Variants in CYP19A1 observed in about 807,000 individuals in gnomAD.
The protein encoded by CYP19A1 is cytochrome P450 family 19 subfamily A member 1.
In CYP19A1, 32 loss-of-function variants were observed where a neutral mutation model predicts 44.4. The observed-to-expected ratio is 0.72, with a 90% CI of 0.54 to 0.97. CYP19A1 has a LOEUF of 0.97. CYP19A1 is among the 50% of genes least tolerant of loss of function. CYP19A1 has a pLI of 0.00. For missense variants in CYP19A1, 598 were observed against 637.8 expected (o/e 0.94, Z 0.67); for synonymous variants, 212 against 215.6 (o/e 0.98, Z 0.14).
At chr15:51,222,149 C>T in intron 5 of CYP19A1, 200 bp downstream of exon 5, 1 of 903,938 alleles carries the variant, frequency 1.1e-6, no homozygotes, top group Non-Finnish European at 1.6e-6. Flanking sequence ...CTAGTAGATG[C>T]TGGCCCCTAC....
At chr15:51,224,576 T>C (rs970384965) in intron 4 of CYP19A1, among the ~76,000 whole-genome samples, 3 of 152,214 alleles carry the variant, frequency 2.0e-5, no homozygotes, top group African/African-American at 7.2e-5. Context: ...CTTTTGACAT[T>C]TCTTGAAACC....
At chr15:51,294,021 G>C (rs1039317396) in intron 1 of CYP19A1, 2 of 173,416 alleles carry the variant, frequency 1.2e-5, no homozygotes, top group African/African-American at 6.1e-5. Context: ...GCCGCCCATC[G>C]TCTGGGATGT....
chr15:51,326,017 G>A (rs2036603567), intron 1 of CYP19A1, among the ~76,000 whole-genome samples: 1 of 152,084 alleles, frequency 6.6e-6, no homozygotes, highest in Admixed American at 6.5e-5. Context: ...ATTGAATATT[G>A]TACTGAAAGT....
chr15:51,332,026 A>G (rs2036710076), intron 1 of CYP19A1, among the ~76,000 whole-genome samples: 1 of 152,158 alleles, frequency 6.6e-6, no homozygotes. Context: ...GTCTCTTTTA[A>G]GAATAATTCT....
Position 51,326,463 on chromosome 15 carries a change from G to A in CYP19A1, c.-39+12032C>T, listed in dbSNP as rs143029584. The stretch of plus-strand genomic sequence containing the variant: ...TTCTTGCTGTAGAATTTTCAACTAC[G>A]ATAAAGTTGAGAATGTGGCTCAACT... On this transcript the variant is annotated intron_variant, in intron 1 of 9. Transcript: ENST00000396402. Among the ~76,000 whole-genome samples, 106 of 152,306 alleles carry A rather than the reference G, an allele frequency of 7.0e-4. 1 individual carries two copies. Among genetic ancestry groups the A allele is most frequent in the African/African-American group, 2.5e-3 (102 of 41,562 alleles).
chr15:51,253,342 T>A (rs912269450), intron 1 of CYP19A1, among the ~76,000 whole-genome samples: 4 of 152,228 alleles, frequency 2.6e-5, no homozygotes, highest in African/African-American at 9.6e-5. Context: ...CAGTTTGGAC[T>A]GGAGTTGTGC....
Position 51,223,593 on chromosome 15 carries a change from T to TCACACACACACACACACACA in CYP19A1, c.452-1088_452-1069dup, listed in dbSNP as rs5812545. ...CTTGCTCTCTCTCTCTCTCTCTCTCTCACACACACACACACACACACACAC... is the reference window on the plus strand; with the variant it reads ...CTTGCTCTCTCTCTCTCTCTCTCTCTCACACACACACACACACACACACACACACACACACACACACACAC... On this transcript the variant is annotated intron_variant, in intron 4 of 9. Transcript: ENST00000396402. 1.2e-3 allele frequency among the ~76,000 whole-genome samples: 108 copies of TCACACACACACACACACACA among 90,200 alleles called. 1 individual carries two copies. The East Asian group carries it at 0.015, about 13-fold the overall frequency. 59.2% of individuals were successfully genotyped at this position (90,200 alleles called of 152,430 possible). A position where few individuals can be genotyped will look rare whatever the true frequency, so the allele number is the denominator to read the frequency against.
At chr15:51,257,996 C>A (rs1566898927) in intron 1 of CYP19A1, among the ~76,000 whole-genome samples, 1 of 152,196 alleles carries the variant, frequency 6.6e-6, no homozygotes, top group Non-Finnish European at 1.5e-5. Context: ...AGCCAATAGT[C>A]TTATTTAATC....
intron 6 of CYP19A1, among the ~76,000 whole-genome samples, chr15:51,216,611 C>A (rs1309701544): frequency 6.6e-6 from 1 of 152,128 alleles, no homozygotes; most frequent in Non-Finnish European, 1.5e-5. Context: ...GATTCCTGTT[C>A]TAAACAGTAA....
intron 1 of CYP19A1, among the ~76,000 whole-genome samples, chr15:51,297,645 TC>T (rs2036022450): frequency 6.6e-6 from 1 of 152,092 alleles, no homozygotes; most frequent in Non-Finnish European, 1.5e-5. Context: ...CTCTGCTCCC[TC>T]CCCTGTCTCC....
chr15:51,256,463 C>T (rs2034518489), intron 1 of CYP19A1, among the ~76,000 whole-genome samples: 1 of 152,154 alleles, frequency 6.6e-6, no homozygotes, highest in African/African-American at 2.4e-5. Flanking sequence ...CACCCTGACA[C>T]CTACCCCATG....
intron 3 of CYP19A1, among the ~76,000 whole-genome samples, chr15:51,234,448 G>C (rs992278907): frequency 6.6e-6 from 1 of 152,164 alleles, no homozygotes; most frequent in Non-Finnish European, 1.5e-5. Flanking sequence ...GGAGTGGTCA[G>C]ATGCCACCCC....
rs943520982 is a variant in CYP19A1 at position 51,209,367 on chromosome 15, C to A, written c.*1441G>T. 6.6e-6 allele frequency: 1 copy of A among 152,110 alleles called. No homozygotes were observed. The highest frequency in any genetic ancestry group is 2.4e-5 in the African/African-American group (1 of 41,410). 9.4% of individuals were successfully genotyped at this position (152,110 alleles called of 1,614,324 possible). A position where few individuals can be genotyped will look rare whatever the true frequency, so the allele number is the denominator to read the frequency against. ...AGATTACAAAAGAAAGAAAGTAGCT[C>A]CTGCTTTCAGGGAGATTACACTGTC... On this transcript the variant is annotated 3_prime_UTR_variant, in exon 10 of 10. Transcript: ENST00000396402.
rs528250064 is a variant in CYP19A1, at chr15:51,285,085, A to G, written c.-38-42135T>C. On this transcript the variant is annotated intron_variant, in intron 1 of 9. Transcript: ENST00000396402. ...TGGGGACAGATCAAGAAAACCGCAC[A>G]GGAAGCTGAGAAACTGCTGGAGCGC... Among the ~76,000 whole-genome samples the G allele has an allele frequency of 1.4e-4, 21 of 152,358 alleles. No homozygotes were observed. In the East Asian group the frequency reaches 4.0e-3, roughly 29 times the overall value.
rs377753638 is a variant in CYP19A1 at position 51,216,086 on chromosome 15, A to G, written c.744-269T>C. ...ACTTCTAGTTAAGGGTTAAAAATTG[A>G]TATCAAAAGGCTAAATCTAACAATG... is the stretch of plus-strand genomic sequence containing the variant. On this transcript the variant is annotated intron_variant, in intron 6 of 9. Transcript: ENST00000396402. The G allele has an allele frequency of 1.4e-5, 7 of 502,494 alleles. No homozygotes were observed. The East Asian group carries it at 1.9e-4, about 13-fold the overall frequency. 31.1% of individuals were successfully genotyped at this position (502,494 alleles called of 1,614,324 possible). A position where few individuals can be genotyped will look rare whatever the true frequency, so the allele number is the denominator to read the frequency against.
At chr15:51,295,751 C>A (rs2035981556) in intron 1 of CYP19A1, among the ~76,000 whole-genome samples, 1 of 152,162 alleles carries the variant, frequency 6.6e-6, no homozygotes, top group African/African-American at 2.4e-5. Context: ...AAAGGACATT[C>A]AAGTTGAGCT....
At chr15:51,282,350 C>G (rs751488138) in intron 1 of CYP19A1, among the ~76,000 whole-genome samples, 9 of 152,158 alleles carry the variant, frequency 5.9e-5, no homozygotes, top group Non-Finnish European at 1.0e-4. Flanking sequence ...TGGAATGAGT[C>G]TAGACTTGCT....
chr15:51,290,130 C>T (rs1389305041), intron 1 of CYP19A1, among the ~76,000 whole-genome samples: 4 of 152,160 alleles, frequency 2.6e-5, no homozygotes, highest in Non-Finnish European at 4.4e-5. Flanking sequence ...GTTCAGTTTC[C>T]CAGGAACTAC....
chr15:51,285,619 G>C (rs1198525090), intron 1 of CYP19A1, among the ~76,000 whole-genome samples: 1 of 152,148 alleles, frequency 6.6e-6, no homozygotes, highest in Non-Finnish European at 1.5e-5. Context: ...CTTGCTTCTA[G>C]CTTAAACTGG....
Sources: allele counts gnomAD v4.1 joint callset (sites outside exome capture counted in the v4.1 genomes callset), GRCh38; gene constraint gnomAD v4.1.1; transcripts MANE v1.5; gene names NCBI Gene and HGNC (gene_info 2026-07-23, HGNC 2026-07-21).